Variants in CNTN5 observed in about 807,000 individuals in gnomAD.
CNTN5 encodes contactin 5, also known as contactin-5.
Under a neutral mutation model 129.1 loss-of-function variants are expected in CNTN5, and 77 were observed. The ratio of observed to expected loss-of-function variants is 0.60; its 90% confidence interval spans 0.50 to 0.72. The LOEUF (loss-of-function observed/expected upper bound fraction) is 0.72, where lower values mean the gene tolerates loss of function less well. Ranked by LOEUF, CNTN5 falls within the 30% of genes least tolerant of loss-of-function variation. The pLI is 0.00. For synonymous variants in CNTN5, 509 were observed against 465.6 expected, an observed-to-expected ratio of 1.09 and a Z score of -1.20; for missense variants, 1,478 against 1,328.8, an observed-to-expected ratio of 1.11 and a Z score of -1.75.
chr11:99,519,652 A>G (rs904795236), intron 2 of CNTN5, among the ~76,000 whole-genome samples: 1 of 152,106 alleles, frequency 6.6e-6, no homozygotes, highest in Non-Finnish European at 1.5e-5. Context: ...ACAGTTATTA[A>G]TAGATAATGC....
chr11:99,871,634 T>A (rs2135813866), intron 6 of CNTN5, among the ~76,000 whole-genome samples: 1 of 152,106 alleles, frequency 6.6e-6, no homozygotes, highest in Non-Finnish European at 1.5e-5. Context: ...GACATAAAGT[T>A]GAAGGGAGGA....
chr11:99,456,558 A>T (rs998318818), intron 2 of CNTN5, among the ~76,000 whole-genome samples: 1 of 152,128 alleles, frequency 6.6e-6, no homozygotes, highest in Non-Finnish European at 1.5e-5. Context: ...GAGATCTAAA[A>T]TGACAGCTTT....
At chr11:100,280,839 C>A (rs1428476430) in intron 18 of CNTN5, among the ~76,000 whole-genome samples, 1 of 151,600 alleles carries the variant, frequency 6.6e-6, no homozygotes, top group Non-Finnish European at 1.5e-5. Flanking sequence ...TTTGTGTATC[C>A]CTTGTAAGTT....
rs1952519084 is a variant in CNTN5 at position 100,356,151 on chromosome 11, C to T, written c.3234C>T (p.His1078=). 6.2e-7 allele frequency: 1 copy of T among 1,610,462 alleles called. No individual in the cohort carries two copies. Among genetic ancestry groups the T allele is most frequent in the South Asian group, 1.1e-5 (1 of 90,668 alleles). ...TCACAAGTGCACAGTCGACCCTTCA[C>T]TCTCTCTCCACATCTTCGTCATCAG... The part of the protein sequence containing the change: ...GKITSAQSTL[H]SLSTSSSSVT... The change falls in exon 25 of 25, where the codon CAC becomes CAT. Residue 1078 remains histidine, a synonymous_variant. Coordinates refer to ENST00000524871, the MANE Select transcript of CNTN5 (RefSeq NM_014361.4).
At position 99,163,275 on chromosome 11, in the gene CNTN5, G is replaced by A. The variant is rs1244962570; in HGVS notation, c.-210+142005G>A. Among the ~76,000 whole-genome samples, 3 of 151,926 alleles carry A rather than the reference G, an allele frequency of 2.0e-5. No individual in the cohort carries two copies. In the East Asian group the frequency reaches 5.8e-4, roughly 29 times the overall value. On this transcript the variant is annotated intron_variant, in intron 1 of 24. Coordinates refer to ENST00000524871, the MANE Select transcript of CNTN5 (RefSeq NM_014361.4). ...AAATAAATTTACGTTGTTTTCTAGA[G>A]TACATTTTATTTTATTTATTTTAAA...
In CNTN5 at chr11:99,277,666, C is replaced by T. The variant is rs186127044; in HGVS notation, c.-209-47680C>T. Among the ~76,000 whole-genome samples, 346 of 151,720 alleles carry T rather than the reference C, an allele frequency of 2.3e-3. 6 individuals carry two copies. Among genetic ancestry groups the T allele is most frequent in the Non-Finnish European group, 5.3e-4 (36 of 67,788 alleles). On this transcript the variant is annotated intron_variant, in intron 1 of 24. Coordinates refer to ENST00000524871, the MANE Select transcript of CNTN5 (RefSeq NM_014361.4). ...TTGCAGTACTGAACTATATTTATAA[C>T]TCCTCTAGTCAAAGAGGAAATCCTG...
At chr11:99,330,985 C>G (rs1865976618) in intron 2 of CNTN5, among the ~76,000 whole-genome samples, 1 of 151,988 alleles carries the variant, frequency 6.6e-6, no homozygotes, top group African/African-American at 2.4e-5. Context: ...CACATACACA[C>G]ACAAACACAA....
intron 13 of CNTN5, among the ~76,000 whole-genome samples, chr11:100,113,011 T>A (rs1057012768): frequency 1.3e-5 from 2 of 152,152 alleles, no homozygotes; most frequent in African/African-American, 2.4e-5. Context: ...CTTGATTGCT[T>A]CTATGCTAGT....
chr11:99,947,703 C>T (rs1322142276), intron 7 of CNTN5, among the ~76,000 whole-genome samples: 1 of 152,054 alleles, frequency 6.6e-6, no homozygotes, highest in Non-Finnish European at 1.5e-5. Context: ...TTAGGCAGTT[C>T]ACAACTCTAG....
chr11:99,787,190 T>A (rs1235878), intron 3 of CNTN5, among the ~76,000 whole-genome samples: 150,729 of 151,044 alleles, frequency 1, 75,208 homozygotes, highest in Non-Finnish European at 1. Context: ...GAGGATGATC[T>A]TCTTAACCAG....
intron 3 of CNTN5, among the ~76,000 whole-genome samples, chr11:99,706,550 A>G (rs1329404752): frequency 6.6e-6 from 1 of 151,522 alleles, no homozygotes; most frequent in Non-Finnish European, 1.5e-5. Flanking sequence ...CTTTTACAAA[A>G]TAAGACCAAT....
At chr11:100,252,614 G>C (rs1235359619) in intron 16 of CNTN5, among the ~76,000 whole-genome samples, 2 of 152,032 alleles carry the variant, frequency 1.3e-5, no homozygotes, top group Non-Finnish European at 1.5e-5. Context: ...GAGAAGTCTA[G>C]TTTCATTCAT....
intron 1 of CNTN5, among the ~76,000 whole-genome samples, chr11:99,170,300 A>G (rs12807122): frequency 0.14 from 20,560 of 152,108 alleles, 1,836 homozygotes; most frequent in Non-Finnish European, 0.2. Flanking sequence ...ATCTTTCCCA[A>G]GGACGCACAG....
chr11:100,088,936 A>C (rs919058508), intron 13 of CNTN5, among the ~76,000 whole-genome samples: 7 of 152,130 alleles, frequency 4.6e-5, no homozygotes, highest in Non-Finnish European at 8.8e-5. Context: ...ACAACAAAAA[A>C]GAAAGCTACA....
chr11:99,817,596 G>GTTT (rs372057505), intron 3 of CNTN5, among the ~76,000 whole-genome samples: 4,525 of 99,278 alleles, frequency 0.046, 135 homozygotes, highest in African/African-American at 0.06. Context: ...GTCTGGGATA[G>GTTT]TTTTTTTTTT....
intron 2 of CNTN5, among the ~76,000 whole-genome samples, chr11:99,428,582 A>G (rs1943236293): frequency 6.6e-6 from 1 of 151,522 alleles, no homozygotes; most frequent in Non-Finnish European, 1.5e-5. Flanking sequence ...AAAAAAGGAA[A>G]AAAAAGATGT....
At chr11:99,122,567 A>AG (rs1858398711) in intron 1 of CNTN5, among the ~76,000 whole-genome samples, 1 of 152,098 alleles carries the variant, frequency 6.6e-6, no homozygotes, top group African/African-American at 2.4e-5. Context: ...TTTTAGGTTT[A>AG]GGGGTACATG....
intron 3 of CNTN5, among the ~76,000 whole-genome samples, chr11:99,674,773 T>A (rs1049996145): frequency 6.6e-6 from 1 of 152,142 alleles, no homozygotes; most frequent in Non-Finnish European, 1.5e-5. Context: ...TAAAGAACAC[T>A]TGCCTAATAA....
chr11:99,726,706 A>C (rs1286181006), intron 3 of CNTN5, among the ~76,000 whole-genome samples: 1 of 152,222 alleles, frequency 6.6e-6, no homozygotes, highest in African/African-American at 2.4e-5. Context: ...AGATGATACG[A>C]GCAGCAAGTA....
Sources: gnomAD v4.1 joint callset for allele counts (sites outside exome capture counted in the v4.1 genomes callset) on GRCh38, gnomAD v4.1.1 for gene constraint, MANE v1.5 for transcripts, NCBI Gene and HGNC (gene_info 2026-07-23, HGNC 2026-07-21) for gene names.